Variants in PARD3B observed in about 807,000 individuals in gnomAD.
PARD3B encodes partitioning defective 3 homolog B.
Under a neutral mutation model 130.2 loss-of-function variants are expected in PARD3B, and 103 were observed. The observed-to-expected ratio is 0.79, with a 90% CI of 0.67 to 0.93. The LOEUF is 0.93. Ranked by LOEUF, PARD3B falls within the 40% of genes least tolerant of loss-of-function variation. The pLI is 0.00. For synonymous variants in PARD3B, 583 were observed against 553.2 expected, an observed-to-expected ratio of 1.05 and a Z score of -0.76; for missense variants, 1,609 against 1,499.2, an observed-to-expected ratio of 1.07 and a Z score of -1.21.
rs751207163 is a variant in PARD3B at position 205,125,634 on chromosome 2, G to T, written c.1331G>T (p.Arg444Leu). 1.2e-6 allele frequency: 2 copies of T among 1,613,982 alleles called. No individual in the cohort carries two copies. The highest frequency in any genetic ancestry group is 3.3e-5 in the Admixed American group (2 of 60,002). The change falls in exon 10 of 23, where the codon CGA (arginine) becomes CTA (leucine). Residue 444 changes from arginine (R) to leucine (L), a missense_variant. Arg to Leu is a moderately radical substitution (Grantham distance 102). Coordinates refer to ENST00000406610, the MANE Select transcript of PARD3B (RefSeq NM_001302769.2). This position sits in a 1 kb window ranked among gnomAD's most constrained non-coding sequence, Gnocchi z 4.0. Reference sequence around the variant, plus strand: ...GTAAATGGGAGAGATGTCACCGGACGAACCCAGGAAGAGCTTGTGGCCATG... The same window carrying T: ...GTAAATGGGAGAGATGTCACCGGACTAACCCAGGAAGAGCTTGTGGCCATG... ...LEVNGRDVTG[R>L]TQEELVAMLR...
rs1340892803 is a variant in PARD3B, at chr2:205,284,999, T to TG, written c.2186-15531_2186-15530insG. Among the ~76,000 whole-genome samples, 163 of 151,810 alleles carry TG rather than the reference T, an allele frequency of 1.1e-3. 1 individual carries two copies. Among genetic ancestry groups the TG allele is most frequent in the African/African-American group, 3.7e-3 (153 of 41,436 alleles). On this transcript the variant is annotated intron_variant, in intron 16 of 22. Transcript: ENST00000406610. ...TTAAAATAAGCACAAAACAGTTTTT[T>TG]TTTTTTTTTGTGGGAGTATTAGCAG...
At chr2:205,237,747 G>C (rs2039133824) in intron 15 of PARD3B, among the ~76,000 whole-genome samples, 1 of 152,140 alleles carries the variant, frequency 6.6e-6, no homozygotes, top group Non-Finnish European at 1.5e-5. Context: ...ATATAACCGA[G>C]AGAAAGACAG....
chr2:204,826,476 A>G (rs1007774076), intron 2 of PARD3B, among the ~76,000 whole-genome samples: 5 of 152,132 alleles, frequency 3.3e-5, no homozygotes, highest in Admixed American at 6.5e-5. Flanking sequence ...GGGGCAAAAA[A>G]TGAGTCTGTT....
At chr2:204,963,996 G>A (rs1461917343) in intron 2 of PARD3B, among the ~76,000 whole-genome samples, 1 of 152,192 alleles carries the variant, frequency 6.6e-6, no homozygotes, top group Non-Finnish European at 1.5e-5. Flanking sequence ...AATTTATGAT[G>A]TTTTGATTGG....
chr2:205,586,972 G>A (rs548124857), intron 22 of PARD3B, among the ~76,000 whole-genome samples: 4 of 152,264 alleles, frequency 2.6e-5, no homozygotes, highest in Admixed American at 6.5e-5. Flanking sequence ...CCTGCACGGT[G>A]AATTTCTCGA....
intron 1 of PARD3B, among the ~76,000 whole-genome samples, chr2:204,580,939 A>G (rs1029377990): frequency 3.9e-5 from 6 of 152,314 alleles, no homozygotes; most frequent in Middle Eastern, 3.4e-3. Flanking sequence ...AACACAGGTG[A>G]CATTTCTATC....
intron 2 of PARD3B, among the ~76,000 whole-genome samples, chr2:204,956,022 A>G (rs1474645289): frequency 1.3e-5 from 2 of 152,162 alleles, no homozygotes; most frequent in Non-Finnish European, 2.9e-5. Context: ...TGGAAAGACC[A>G]CTTTGGCAAT....
At chr2:204,601,438 C>T (rs2033508439) in intron 1 of PARD3B, among the ~76,000 whole-genome samples, 1 of 151,880 alleles carries the variant, frequency 6.6e-6, no homozygotes, top group South Asian at 2.1e-4. Flanking sequence ...ATATAAAAAG[C>T]TTAATTGTGA....
chr2:205,480,510 C>A (rs1183444960), intron 20 of PARD3B, among the ~76,000 whole-genome samples: 1 of 152,146 alleles, frequency 6.6e-6, no homozygotes, highest in Non-Finnish European at 1.5e-5. Flanking sequence ...AATGTAAGGC[C>A]CATGTGGTTA....
intron 1 of PARD3B, among the ~76,000 whole-genome samples, chr2:204,576,951 G>T (rs1407067453): frequency 6.6e-6 from 1 of 152,070 alleles, no homozygotes; most frequent in African/African-American, 2.4e-5. Flanking sequence ...TTTTTCTCTT[G>T]CACTAAGCTA....
At chr2:205,557,077 G>A (rs1013206173) in intron 22 of PARD3B, among the ~76,000 whole-genome samples, 6 of 152,018 alleles carry the variant, frequency 3.9e-5, no homozygotes, top group South Asian at 2.1e-4. Context: ...TCTGTGCATC[G>A]GCGCATGATA....
chr2:204,607,588 A>C (rs1317860111), intron 1 of PARD3B, among the ~76,000 whole-genome samples: 1 of 152,150 alleles, frequency 6.6e-6, no homozygotes, highest in Non-Finnish European at 1.5e-5. Context: ...TGTGTCAACA[A>C]ATATGTAGAG....
intron 2 of PARD3B, among the ~76,000 whole-genome samples, chr2:204,837,708 C>G (rs1463699856): frequency 6.6e-6 from 1 of 152,148 alleles, no homozygotes; most frequent in Non-Finnish European, 1.5e-5. Context: ...GCTCACTATT[C>G]TGTAGGAAAG....
intron 19 of PARD3B, among the ~76,000 whole-genome samples, chr2:205,432,475 C>T (rs777480825): frequency 6.6e-6 from 1 of 152,164 alleles, no homozygotes; most frequent in Non-Finnish European, 1.5e-5. Flanking sequence ...CCTCCAAATT[C>T]TCACTCCCTC....
At chr2:204,733,343 T>C (rs561443346) in intron 2 of PARD3B, among the ~76,000 whole-genome samples, 1 of 152,206 alleles carries the variant, frequency 6.6e-6, no homozygotes, top group Admixed American at 6.5e-5. Context: ...CCAGCATTGT[T>C]GAGAGAAGTG....
chr2:205,081,285 AT>A (rs1278950860), intron 4 of PARD3B, among the ~76,000 whole-genome samples: 1 of 144,108 alleles, frequency 6.9e-6, no homozygotes, highest in South Asian at 2.1e-4. Flanking sequence ...CCTGAAATTT[AT>A]TTTTTTCTGT....
intron 2 of PARD3B, among the ~76,000 whole-genome samples, chr2:204,902,754 A>AT (rs1320635086): frequency 2.7e-5 from 4 of 149,868 alleles, no homozygotes; most frequent in South Asian, 4.2e-4. Context: ...GAAATGTCCT[A>AT]TTTTTTTTCT....
chr2:205,225,720 A>G (rs574953268), intron 15 of PARD3B, among the ~76,000 whole-genome samples: 1 of 152,290 alleles, frequency 6.6e-6, no homozygotes, highest in South Asian at 2.1e-4. Context: ...GGATAAAGAG[A>G]GAAAAGGGGA....
intron 18 of PARD3B, among the ~76,000 whole-genome samples, chr2:205,362,075 C>T (rs2044410093): frequency 6.6e-6 from 1 of 152,092 alleles, no homozygotes; most frequent in African/African-American, 2.4e-5. Context: ...AACTGTCTAA[C>T]CTATAGCCCT....
Sources: allele counts gnomAD v4.1 joint callset (sites outside exome capture counted in the v4.1 genomes callset), GRCh38; gene constraint gnomAD v4.1.1; non-coding constraint Gnocchi (gnomAD v3.1); transcripts MANE v1.5; gene names NCBI Gene and HGNC (gene_info 2026-07-23, HGNC 2026-07-21).